The following TENM3 variants were observed in gnomAD, a reference collection of about 807,000 sequenced individuals.
The protein encoded by TENM3 is teneurin-3.
In TENM3, 63 loss-of-function variants were observed where a neutral mutation model predicts 255.1. The observed-to-expected ratio is 0.25, with a 90% confidence interval of 0.20 to 0.30. The LOEUF (loss-of-function observed/expected upper bound fraction) is 0.30. Among genes scored for constraint, TENM3 ranks in the 10% least tolerant of loss-of-function variants. The pLI, the probability that TENM3 is intolerant of heterozygous loss-of-function variation, is 1.00. For synonymous variants in TENM3, 1,306 were observed against 1,322.3 expected, an observed-to-expected ratio of 0.99 and a Z score of 0.27; for missense variants, 2,929 against 3,461.1, an observed-to-expected ratio of 0.85 and a Z score of 3.86.
chr4:182,737,372 G>A (rs965649890), intron 17 of TENM3, among the ~76,000 whole-genome samples: 1 of 152,008 alleles, frequency 6.6e-6, no homozygotes, highest in African/African-American at 2.4e-5. Flanking sequence ...TCCTTATTTT[G>A]TCCCTTTCTT....
chr4:182,284,354 A>G (rs1760595006), intron 1 of TENM3, among the ~76,000 whole-genome samples: 1 of 152,196 alleles, frequency 6.6e-6, no homozygotes, highest in South Asian at 2.1e-4. Context: ...AATCTCTTAT[A>G]AAGTTATTAT....
At chr4:182,335,494 CAAA>C (rs372965020) in intron 2 of TENM3, among the ~76,000 whole-genome samples, 57 of 52,390 alleles carry the variant, frequency 1.1e-3, no homozygotes, top group Admixed American at 1.7e-3. Flanking sequence ...GACTCCGCCT[CAAA>C]AAAAAAAAAA....
At chr4:182,161,095 G>A (rs7687764) in intron 1 of TENM3, among the ~76,000 whole-genome samples, 122,072 of 150,128 alleles carry the variant, frequency 0.81, 50,303 homozygotes, top group Admixed American at 0.89. Context: ...CCTGGCCAAC[G>A]TGGTGAAACC....
the TENM3 span, among the ~76,000 whole-genome samples, chr4:181,582,585 T>G: frequency 6.7e-6 from 1 of 149,208 alleles, no homozygotes; most frequent in Non-Finnish European, 1.5e-5. Flanking sequence ...AGGCGGAGGT[T>G]GCAGGGAGCC....
At chr4:181,934,869 A>T in the TENM3 span, among the ~76,000 whole-genome samples, 3 of 152,164 alleles carry the variant, frequency 2.0e-5, no homozygotes, top group Admixed American at 1.3e-4. Flanking sequence ...CATGAGACAT[A>T]ACATGTTGAT....
chr4:181,668,959 A>C, the TENM3 span, among the ~76,000 whole-genome samples: 32 of 152,290 alleles, frequency 2.1e-4, no homozygotes, highest in African/African-American at 7.7e-4. Flanking sequence ...GGTCCTTGAA[A>C]ATGGAATCAT....
chr4:181,824,112 T>C, the TENM3 span, among the ~76,000 whole-genome samples: 2 of 152,130 alleles, frequency 1.3e-5, no homozygotes, highest in African/African-American at 2.4e-5. Context: ...ATAATCTATA[T>C]ATTTTTTGAG....
At chr4:182,776,020 G>T (rs1272965085) in intron 24 of TENM3, among the ~76,000 whole-genome samples, 61 of 151,068 alleles carry the variant, frequency 4.0e-4, no homozygotes, top group Non-Finnish European at 1.8e-4. Context: ...ATAGATAGGA[G>T]ATATATATAT....
the TENM3 span, among the ~76,000 whole-genome samples, chr4:182,136,984 A>AC: frequency 6.8e-6 from 1 of 146,818 alleles, no homozygotes; most frequent in Non-Finnish European, 1.5e-5. Context: ...ATCCCCCCCC[A>AC]CCCAATACAA....
chr4:182,402,299 C>A (rs1012765534), intron 3 of TENM3, among the ~76,000 whole-genome samples: 1 of 152,164 alleles, frequency 6.6e-6, no homozygotes, highest in Non-Finnish European at 1.5e-5. Context: ...TTATTTCTAT[C>A]TAGATGGGCA....
the TENM3 span, among the ~76,000 whole-genome samples, chr4:182,080,668 C>T: frequency 4.8e-4 from 73 of 152,214 alleles, no homozygotes; most frequent in Admixed American, 8.5e-4. Flanking sequence ...ATAACCTGGC[C>T]GCTCTCGTGT....
Position 182,730,958 on chromosome 4 carries a change from T to C in TENM3, c.2786T>C (p.Val929Ala). ...CCATTCCTCACTCAGTATCATACTG[T>C]GTGGATTCCATGGAATGTCTTTTAT... ...RSPFLTQYHTVWIPWNVFYVM... is the reference protein window; with the variant it reads ...RSPFLTQYHTAWIPWNVFYVM... The change falls in exon 16 of 28, where the codon GTG becomes GCG. Residue 929 changes from valine (V) to alanine (A), a missense_variant. Around this residue, in one of 6 missense-constraint regions of TENM3, gnomAD observed 1,608 missense variants for 1,884.4 expected, o/e 0.85. Transcript: ENST00000511685. 1 of 1,612,690 alleles carries C rather than the reference T, an allele frequency of 6.2e-7. No individual in the cohort carries two copies.
At chr4:182,023,360 T>C in the TENM3 span, among the ~76,000 whole-genome samples, 1 of 152,248 alleles carries the variant, frequency 6.6e-6, no homozygotes, top group Non-Finnish European at 1.5e-5. Flanking sequence ...TTGATGAATC[T>C]GAGAATACGT....
intron 1 of TENM3, among the ~76,000 whole-genome samples, chr4:182,286,618 CTGTT>C (rs1278238633): frequency 6.6e-6 from 1 of 152,192 alleles, no homozygotes; most frequent in Non-Finnish European, 1.5e-5. Context: ...GCTTTAGAGA[CTGTT>C]TGGTCTCAAT....
At chr4:181,726,151 AT>A in the TENM3 span, among the ~76,000 whole-genome samples, 1 of 152,158 alleles carries the variant, frequency 6.6e-6, no homozygotes, top group Non-Finnish European at 1.5e-5. Context: ...AGCAAATTTT[AT>A]TTAAAAATTA....
chr4:181,918,193 T>G, the TENM3 span, among the ~76,000 whole-genome samples: 2 of 152,218 alleles, frequency 1.3e-5, no homozygotes, highest in Non-Finnish European at 2.9e-5. Context: ...TCATGAATTA[T>G]AATTTTTCAT....
chr4:181,570,155 C>A, the TENM3 span, among the ~76,000 whole-genome samples: 1 of 150,954 alleles, frequency 6.6e-6, no homozygotes, highest in Non-Finnish European at 1.5e-5. Context: ...ACGCCATTCT[C>A]CTGCCTCAGC....
At chr4:182,013,870 A>G in the TENM3 span, among the ~76,000 whole-genome samples, 6 of 150,304 alleles carry the variant, frequency 4.0e-5, 1 homozygote, top group Admixed American at 1.3e-4. Context: ...TATGTGCTAT[A>G]TGTAATACTT....
the TENM3 span, among the ~76,000 whole-genome samples, chr4:181,720,927 G>T: frequency 6.6e-6 from 1 of 152,106 alleles, no homozygotes; most frequent in Non-Finnish European, 1.5e-5. Context: ...TTTCCAGTGG[G>T]ATGACCATGA....
Sources: allele counts gnomAD v4.1 joint callset (sites outside exome capture counted in the v4.1 genomes callset), GRCh38; gene constraint gnomAD v4.1.1; regional missense constraint gnomAD v4.1.1; transcripts MANE v1.5; gene names NCBI Gene and HGNC (gene_info 2026-07-23, HGNC 2026-07-21).